Variants in CFAP47 observed in about 807,000 individuals in gnomAD.
CFAP47 encodes the protein cilia and flagella associated protein 47, also known as cilia- and flagella-associated protein 47.
A neutral mutation model predicts 148.1 loss-of-function variants in CFAP47; 29 were observed. The observed-to-expected ratio is 0.20, with a 90% confidence interval of 0.15 to 0.27. The LOEUF (loss-of-function observed/expected upper bound fraction) is 0.27. CFAP47 is among the 10% of genes least tolerant of loss of function. The pLI, the probability that CFAP47 is intolerant of heterozygous loss-of-function variation, is 1.00. For missense variants in CFAP47, 1,872 were observed against 1,697.5 expected (o/e 1.10, Z -1.81); for synonymous variants, 664 against 577.3 (o/e 1.15, Z -2.15).
intron 49 of CFAP47, among the ~76,000 whole-genome samples, chrX:36,258,258 C>T (rs782021694): frequency 1.8e-5 from 2 of 111,690 alleles, no homozygotes; most frequent in South Asian, 7.4e-4. Flanking sequence ...TAAAAGATCC[C>T]CAAACCAATA....
rs1281293659 is a variant in CFAP47 at position 36,160,678 on chromosome X, T to TA, written c.5938-2dup. On this transcript the variant is annotated splice_region_variant and splice_polypyrimidine_tract_variant and intron_variant, in intron 38 of 63. Coordinates refer to ENST00000378653, the MANE Select transcript of CFAP47 (RefSeq NM_001304548.2). ...GTGGTAAGACTTTATTTTTTTACTT[T>TA]AGGACATTATAAAATGCGAAAGCCC... 2 of 291,954 alleles carry TA rather than the reference T, an allele frequency of 6.9e-6. No individual in the cohort carries two copies. The highest frequency in any genetic ancestry group is 5.6e-5 in the African/African-American group (2 of 35,846). The allele number at this position is 291,954 out of a possible 1,213,427, so 24.1% of individuals were successfully genotyped here. A position where few individuals can be genotyped will look rare whatever the true frequency, so the allele number is the denominator to read the frequency against.
intron 49 of CFAP47, among the ~76,000 whole-genome samples, chrX:36,255,692 G>A (rs146639033): frequency 9.0e-6 from 1 of 111,385 alleles, no homozygotes; most frequent in Admixed American, 9.5e-5. Context: ...TTCCACAGTT[G>A]TATTTGATGA....
chrX:36,141,379 G>T (rs909529507), intron 35 of CFAP47, among the ~76,000 whole-genome samples: 3 of 111,391 alleles, frequency 2.7e-5, no homozygotes, highest in Admixed American at 9.6e-5. Context: ...GAGGAGAAAA[G>T]GTGTCTCACT....
intron 3 of CFAP47, among the ~76,000 whole-genome samples, chrX:35,944,152 T>A (rs1896419995): frequency 1.8e-5 from 2 of 111,250 alleles, no homozygotes; most frequent in African/African-American, 6.5e-5. Flanking sequence ...GTCTAAAATA[T>A]CCTGGAATCA....
intron 62 of CFAP47, among the ~76,000 whole-genome samples, chrX:36,378,596 A>G (rs782806279): frequency 8.9e-6 from 1 of 111,818 alleles, no homozygotes; most frequent in Non-Finnish European, 1.9e-5. Context: ...CTGGAGTGCA[A>G]TGGTGCTATC....
At position 36,309,947 on chromosome X, in the gene CFAP47, C is replaced by G. The variant is rs781877748; in HGVS notation, c.8188-886C>G. Among the ~76,000 whole-genome samples the G allele has an allele frequency of 1.2e-3, 133 of 110,813 alleles. 1 individual carries two copies. The highest frequency in any genetic ancestry group is 4.1e-3 in the African/African-American group (127 of 30,767). Reference sequence around the variant, plus strand: ...AGATGAAATATGCCTTTAATTCTCTCTACTAAGGAGGCAGGATTTTTATGA... The same window carrying G: ...AGATGAAATATGCCTTTAATTCTCTGTACTAAGGAGGCAGGATTTTTATGA... On this transcript the variant is annotated intron_variant, in intron 55 of 63. Transcript: ENST00000378653.
Position 36,178,063 on chromosome X carries a change from A to G in CFAP47, c.6027-1282A>G, listed in dbSNP as rs112532480. ...GAAAACAGCTGGAGGCCATCATCCT[A>G]AGAGAATTGATGCAGAAACTAAAAA... On this transcript the variant is annotated intron_variant, in intron 39 of 63. Coordinates refer to ENST00000378653, the MANE Select transcript of CFAP47 (RefSeq NM_001304548.2). Among the ~76,000 whole-genome samples the G allele has an allele frequency of 7.8e-3, 870 of 111,872 alleles. 16 individuals carry two copies. Among genetic ancestry groups the G allele is most frequent in the African/African-American group, 0.027 (831 of 30,755 alleles).
At chrX:36,023,516 A>C (rs750230748) in intron 22 of CFAP47, among the ~76,000 whole-genome samples, 1 of 111,875 alleles carries the variant, frequency 8.9e-6, no homozygotes, top group African/African-American at 3.2e-5. Context: ...TGGCAAAACC[A>C]ACCAGTCTTG....
At chrX:35,966,379 AATT>A (rs1264962713) in intron 8 of CFAP47, among the ~76,000 whole-genome samples, 183 bp from the exon 9 acceptor site, 1 of 106,663 alleles carries the variant, frequency 9.4e-6, no homozygotes, top group Non-Finnish European at 1.9e-5. Flanking sequence ...TTTATTAAAA[AATT>A]ATTTAAGAAA....
intron 44 of CFAP47, among the ~76,000 whole-genome samples, chrX:36,202,123 T>C (rs1268698823): frequency 8.9e-6 from 1 of 111,763 alleles, no homozygotes; most frequent in East Asian, 2.8e-4. Flanking sequence ...ATTGAGGTAC[T>C]TATTACTACC....
chrX:36,365,568 A>G (rs1941867632), intron 61 of CFAP47: 1 of 110,319 alleles, frequency 9.1e-6, no homozygotes, highest in South Asian at 3.9e-4. Flanking sequence ...TGTACAGATT[A>G]TTTCTTCACC....
intron 21 of CFAP47, among the ~76,000 whole-genome samples, chrX:36,012,967 T>C (rs1436319142): frequency 9.0e-6 from 1 of 110,997 alleles, no homozygotes; most frequent in Admixed American, 9.6e-5. Flanking sequence ...AAAGCTTTCC[T>C]ACTATTTTTA....
intron 19 of CFAP47, 117 bp from the exon 20 acceptor site, chrX:36,000,166 T>G: frequency 3.9e-6 from 1 of 255,271 alleles, no homozygotes; most frequent in Non-Finnish European, 6.9e-6. Flanking sequence ...TGACAAATTT[T>G]TATAGGGTTC....
intron 39 of CFAP47, among the ~76,000 whole-genome samples, chrX:36,176,987 G>T (rs931852833): frequency 8.9e-6 from 1 of 112,269 alleles, no homozygotes; most frequent in African/African-American, 3.2e-5. Context: ...AAGATTTCTG[G>T]AACCCATTCC....
At chrX:36,211,189 G>T in intron 45 of CFAP47, 1 of 246,663 alleles carries the variant, frequency 4.1e-6, no homozygotes. Flanking sequence ...TGCTCAGGAG[G>T]AGCACAAGAA....
intron 1 of CFAP47, among the ~76,000 whole-genome samples, chrX:35,924,440 T>C (rs766260085): frequency 9.4e-6 from 1 of 106,861 alleles, no homozygotes; most frequent in South Asian, 4.0e-4. Flanking sequence ...TGTATATATG[T>C]ACACCTATAT....
At chrX:36,232,601 T>A (rs1940382309) in intron 46 of CFAP47, among the ~76,000 whole-genome samples, 2 of 110,245 alleles carry the variant, frequency 1.8e-5, no homozygotes, top group East Asian at 5.6e-4. Context: ...GGTTTTTTTG[T>A]GTCTCTATTT....
intron 33 of CFAP47, among the ~76,000 whole-genome samples, chrX:36,137,055 A>G (rs1939057304): frequency 9.0e-6 from 1 of 111,240 alleles, no homozygotes; most frequent in African/African-American, 3.3e-5. Flanking sequence ...TCTGTGATTC[A>G]AGAGATAATT....
chrX:36,328,800 G>T (rs1279041887), intron 57 of CFAP47, among the ~76,000 whole-genome samples: 1 of 89,167 alleles, frequency 1.1e-5, no homozygotes, highest in Non-Finnish European at 2.1e-5. Flanking sequence ...CTGGGTGACA[G>T]AGCGAGACTC....
Sources: gnomAD v4.1 joint callset for allele counts (sites outside exome capture counted in the v4.1 genomes callset) on GRCh38, gnomAD v4.1.1 for gene constraint, MANE v1.5 for transcripts, NCBI Gene and HGNC (gene_info 2026-07-23, HGNC 2026-07-21) for gene names.